Variants in CSRNP3 observed in about 807,000 individuals in gnomAD.
CSRNP3 encodes cysteine and serine rich nuclear protein 3, also known as cysteine/serine-rich nuclear protein 3.
A neutral mutation model predicts 48.0 loss-of-function variants in CSRNP3; 12 were observed. The ratio of observed to expected loss-of-function variants is 0.25; its 90% CI spans 0.16 to 0.41. The LOEUF (loss-of-function observed/expected upper bound fraction) is 0.41. Ranked by LOEUF, CSRNP3 falls within the 10% of genes least tolerant of loss-of-function variation. The pLI, the probability that CSRNP3 is intolerant of heterozygous loss-of-function variation, is 1.00. For synonymous variants in CSRNP3, 263 were observed against 269.7 expected (o/e 0.98, Z 0.24); for missense variants, 580 against 724.4 (o/e 0.80, Z 2.29).
chr2:165,560,020 C>T (rs1160177232), intron 3 of CSRNP3, among the ~76,000 whole-genome samples: 3 of 151,890 alleles, frequency 2.0e-5, no homozygotes, highest in African/African-American at 7.3e-5. Context: ...AGGATGGTCT[C>T]GATCTCCTGA....
At chr2:165,676,953 T>G (rs73013314) in intron 6 of CSRNP3, among the ~76,000 whole-genome samples, 1,843 of 152,302 alleles carry the variant, frequency 0.012, 41 homozygotes, top group African/African-American at 0.041. Context: ...TCCCTAACAC[T>G]GGAGTGTGTA....
intron 4 of CSRNP3, among the ~76,000 whole-genome samples, chr2:165,630,576 G>T (rs1686519362): frequency 6.6e-6 from 1 of 152,128 alleles, no homozygotes; most frequent in African/African-American, 2.4e-5. Context: ...CCTCCAGCCT[G>T]GGTCTCCAGG....
intron 3 of CSRNP3, among the ~76,000 whole-genome samples, chr2:165,520,783 T>TTATATATATATATATATA (rs869287628): frequency 3.4e-5 from 1 of 29,728 alleles, no homozygotes; most frequent in African/African-American, 2.6e-4. Context: ...TATATATATA[T>TTATATATATATATATATA]TATATATATA....
At chr2:165,564,820 AATT>A (rs1214620418) in intron 3 of CSRNP3, among the ~76,000 whole-genome samples, 2 of 152,010 alleles carry the variant, frequency 1.3e-5, no homozygotes, top group African/African-American at 4.8e-5. Context: ...TTAAAGCTTT[AATT>A]ATTATAAATG....
chr2:165,622,483 A>C (rs534303712), intron 4 of CSRNP3, among the ~76,000 whole-genome samples: 1 of 152,326 alleles, frequency 6.6e-6, no homozygotes, highest in South Asian at 2.1e-4. Context: ...AGCTTAAACA[A>C]AATAGAAGTT....
intron 4 of CSRNP3, among the ~76,000 whole-genome samples, chr2:165,630,864 T>C (rs1686522922): frequency 6.6e-6 from 1 of 152,218 alleles, no homozygotes; most frequent in African/African-American, 2.4e-5. Context: ...TGCCTTCATT[T>C]ATTTAACAAA....
chr2:165,654,098 C>T (rs2105344266), intron 4 of CSRNP3, among the ~76,000 whole-genome samples: 2 of 149,228 alleles, frequency 1.3e-5, no homozygotes, highest in Middle Eastern at 7.2e-3. Flanking sequence ...ATAATAATGC[C>T]TTTAGGGCAT....
At position 165,505,867 on chromosome 2, in the gene CSRNP3, A is replaced by G. The variant is rs184506607; in HGVS notation, c.-113+10939A>G. ...GGTAATACATGACATTTGTCCTAGC[A>G]TTTCTTTAAAATAGTCAAAGTTAAT... On this transcript the variant is annotated intron_variant, in intron 2 of 6. Transcript: ENST00000651982. Among the ~76,000 whole-genome samples, 334 of 152,246 alleles carry G rather than the reference A, an allele frequency of 2.2e-3. 2 individuals are homozygous for G. The highest frequency in any genetic ancestry group is 3.1e-3 in the Non-Finnish European group (208 of 68,012).
At chr2:165,504,573 C>A (rs538992586) in intron 2 of CSRNP3, among the ~76,000 whole-genome samples, 1 of 152,176 alleles carries the variant, frequency 6.6e-6, no homozygotes, top group African/African-American at 2.4e-5. Flanking sequence ...TTTTCAAAAT[C>A]TTTAATTTAA....
intron 4 of CSRNP3, among the ~76,000 whole-genome samples, chr2:165,650,968 A>G (rs938639250): frequency 6.6e-6 from 1 of 152,240 alleles, no homozygotes; most frequent in African/African-American, 2.4e-5. Flanking sequence ...GCCAAAATAC[A>G]TAACTCTGTT....
At chr2:165,658,695 G>T (rs1687048986) in intron 5 of CSRNP3, among the ~76,000 whole-genome samples, 2 of 152,124 alleles carry the variant, frequency 1.3e-5, no homozygotes, top group African/African-American at 4.8e-5. Context: ...AGGGCAAAAG[G>T]CACTTATTAC....
intron 4 of CSRNP3, among the ~76,000 whole-genome samples, chr2:165,604,895 C>T (rs1017339326): frequency 3.9e-5 from 6 of 152,146 alleles, no homozygotes; most frequent in Non-Finnish European, 8.8e-5. Flanking sequence ...TTTGATTTAG[C>T]TCTTTATTTC....
At chr2:165,505,177 A>G (rs973141655) in intron 2 of CSRNP3, among the ~76,000 whole-genome samples, 1 of 152,122 alleles carries the variant, frequency 6.6e-6, no homozygotes, top group Non-Finnish European at 1.5e-5. Flanking sequence ...AGTTTTGGGA[A>G]GTCAAAACGA....
At chr2:165,614,461 A>G (rs1030765159) in intron 4 of CSRNP3, among the ~76,000 whole-genome samples, 1 of 152,186 alleles carries the variant, frequency 6.6e-6, no homozygotes, top group Non-Finnish European at 1.5e-5. Context: ...TTCTAGAACT[A>G]TGTTGAATAA....
rs573387816 is a variant in CSRNP3 at position 165,658,952 on chromosome 2, G to A, written c.408+932G>A. ...ACCTTGTGCCAGGAGGGAACACAGT[G>A]AGTCCACAATGGCTTGTGTGGCTGG... On this transcript the variant is annotated intron_variant, in intron 5 of 6. Transcript: ENST00000651982. Among the ~76,000 whole-genome samples, 73 of 152,274 alleles carry A rather than the reference G, an allele frequency of 4.8e-4. 1 individual carries two copies. Among genetic ancestry groups the A allele is most frequent in the Admixed American group, 4.3e-3 (66 of 15,298 alleles).
At position 165,679,844 on chromosome 2, in the gene CSRNP3, A is replaced by G; in HGVS notation, c.*91A>G. 6.6e-7 allele frequency: 1 copy of G among 1,506,372 alleles called. No homozygotes were observed. The highest frequency in any genetic ancestry group is 2.3e-5 in the East Asian group (1 of 44,024). The allele number at this position is 1,506,372 out of a possible 1,614,324, so 93.3% of individuals were successfully genotyped here. A position where few individuals can be genotyped will look rare whatever the true frequency, so the allele number is the denominator to read the frequency against. On this transcript the variant is annotated 3_prime_UTR_variant, in exon 7 of 7. Coordinates refer to ENST00000651982, the MANE Select transcript of CSRNP3 (RefSeq NM_001172173.2). Reference sequence around the variant, plus strand: ...GGGCTCATCATTGTTTAAACTGAAGACCAAGAAAACTTGGACGGTGGTTAA... The same window carrying G: ...GGGCTCATCATTGTTTAAACTGAAGGCCAAGAAAACTTGGACGGTGGTTAA...
intron 1 of CSRNP3, among the ~76,000 whole-genome samples, chr2:165,492,712 G>C (rs1162538280): frequency 9.1e-6 from 1 of 109,896 alleles, no homozygotes; most frequent in Non-Finnish European, 1.7e-5. Flanking sequence ...CAGTAAGTAA[G>C]CACTATTAGA....
intron 3 of CSRNP3, among the ~76,000 whole-genome samples, chr2:165,524,539 T>C (rs544674711): frequency 2.0e-5 from 3 of 152,324 alleles, no homozygotes; most frequent in African/African-American, 4.8e-5. Context: ...TACAGAGTCA[T>C]GTAACTTTCG....
chr2:165,490,797 T>G (rs1430413295), intron 1 of CSRNP3, among the ~76,000 whole-genome samples: 1 of 137,652 alleles, frequency 7.3e-6, no homozygotes, highest in Non-Finnish European at 1.6e-5. Context: ...CAAAAATCAA[T>G]TCAAGATGGA....
Sources: gnomAD v4.1 joint callset for allele counts (sites outside exome capture counted in the v4.1 genomes callset) on GRCh38, gnomAD v4.1.1 for gene constraint, MANE v1.5 for transcripts, NCBI Gene and HGNC (gene_info 2026-07-23, HGNC 2026-07-21) for gene names.